Variants in ZDHHC24 observed in about 807,000 individuals in gnomAD.
ZDHHC24 encodes probable palmitoyltransferase ZDHHC24.
Under a neutral mutation model 23.2 loss-of-function variants are expected in ZDHHC24, and 17 were observed. The observed-to-expected ratio is 0.73, with a 90% CI of 0.50 to 1.10. ZDHHC24 has a LOEUF of 1.10. Among genes scored for constraint, ZDHHC24 ranks in the 50% least tolerant of loss-of-function variants. The pLI is 0.00. For missense variants in ZDHHC24, 366 were observed against 393.0 expected (o/e 0.93, Z 0.58); for synonymous variants, 186 against 194.5 (o/e 0.96, Z 0.36).
At chr11:66,542,575 C>T (rs913506499) in intron 2 of ZDHHC24, 1 of 152,860 alleles carries the variant, frequency 6.5e-6, no homozygotes, top group Non-Finnish European at 1.5e-5. Flanking sequence ...GAGGGTGACT[C>T]ATTTTTGGAT....
chr11:66,523,390 G>GT, intron 4 of ZDHHC24: 5 of 1,612,580 alleles, frequency 3.1e-6, no homozygotes, highest in Non-Finnish European at 4.2e-6. Context: ...TTTAGACAGA[G>GT]GAGGGTCAGC....
chr11:66,524,870 C>T (rs955362229), intron 4 of ZDHHC24, among the ~76,000 whole-genome samples: 1 of 151,846 alleles, frequency 6.6e-6, no homozygotes, highest in Non-Finnish European at 1.5e-5. Flanking sequence ...GCCTGGCCAA[C>T]ATGGTGAAAC....
chr11:66,526,808 G>T, intron 4 of ZDHHC24: 1 of 1,614,226 alleles, frequency 6.2e-7, no homozygotes, highest in Non-Finnish European at 8.5e-7. Flanking sequence ...GCTGGCACCG[G>T]TGAGCCTCAG....
At chr11:66,523,233 G>A in intron 4 of ZDHHC24, 1 of 671,526 alleles carries the variant, frequency 1.5e-6, no homozygotes, top group African/African-American at 1.8e-5. Context: ...GTGAAGGTGG[G>A]AGGAAGACAA....
chr11:66,530,598 A>G (rs999925759), intron 2 of ZDHHC24, among the ~76,000 whole-genome samples: 2 of 151,944 alleles, frequency 1.3e-5, no homozygotes, highest in Admixed American at 6.6e-5. Context: ...CTACCCTAGG[A>G]TGAGAGTGGG....
chr11:66,534,820 C>T (rs537135884), downstream of ZDHHC24, among the ~76,000 whole-genome samples: 63 of 152,202 alleles, frequency 4.1e-4, no homozygotes, highest in Middle Eastern at 3.4e-3. Flanking sequence ...CTCAGCCTCC[C>T]GAGTAGCTGG....
In ZDHHC24 at chr11:66,539,546, C is replaced by T. The variant is rs74916110; in HGVS notation, c.838G>A (p.Gly280Arg). Residue 280 changes from glycine (G) to arginine (R), a missense_variant, in exon 3 of 3, where the codon GGA becomes AGA. Gly to Arg is a moderately radical substitution (Grantham distance 125). Transcript: ENST00000310442. Reference protein sequence around the residue: ...GITFQTTADVGHTAS With the variant: ...GITFQTTADVRHTAS ...TCCTGGAGTCAGGAGGCTGTGTGTC[C>T]CACATCTGCTGTGGTCTGGAAGGTG... 3 of 1,580,784 alleles carry T rather than the reference C, an allele frequency of 1.9e-6. No homozygotes were observed. Among genetic ancestry groups the T allele is most frequent in the Non-Finnish European group, 2.6e-6 (3 of 1,162,582 alleles).
rs1392483267 is a variant in ZDHHC24 at position 66,545,641 on chromosome 11, G to A, written c.281+82C>T. 1 of 1,373,872 alleles carries A rather than the reference G, an allele frequency of 7.3e-7. No individual in the cohort carries two copies. Among genetic ancestry groups the A allele is most frequent in the Non-Finnish European group, 9.5e-7 (1 of 1,056,064 alleles). The allele number at this position is 1,373,872 out of a possible 1,614,324, so 85.1% of individuals were successfully genotyped here. On this transcript the variant is annotated intron_variant, in intron 1 of 2. Coordinates refer to ENST00000310442, the MANE Select transcript of ZDHHC24 (RefSeq NM_207340.3). The surrounding 1 kb of genome is among the most constrained non-coding windows in gnomAD (Gnocchi z 4.5). ...ACAACCTGGATCCTAATGTAACCCG[G>A]TTCTAACATCTCAGGTCTTGGGGCC...
chr11:66,530,984 C>T, downstream of ZDHHC24: 1 of 1,614,222 alleles, frequency 6.2e-7, no homozygotes. Flanking sequence ...GGTCTGCTTC[C>T]TGTACAACGA....
chr11:66,539,604 G>A lies in ZDHHC24; in HGVS notation c.780C>T (p.Pro260=). 6.2e-7 allele frequency: 1 copy of A among 1,612,818 alleles called. No individual in the cohort carries two copies. Among genetic ancestry groups the A allele is most frequent in the Non-Finnish European group, 8.5e-7 (1 of 1,179,462 alleles). The change falls in exon 3 of 3, where the codon CCC becomes CCT. Residue 260 remains proline (P), a synonymous_variant. Transcript: ENST00000310442. ...GPRWALVWLW[P]FLASPLPGDG... is the part of the protein sequence containing the mutation. ...CCCCAGGCAATGGGGAGGCCAGGAA[G>A]GGCCAGAGCCAGACGAGGGCCCAGC...
rs3737525 is a variant in ZDHHC24, at chr11:66,538,884, A to G, written c.*645T>C. 0.18 allele frequency: 28,038 copies of G among 152,110 alleles called. 3,430 individuals carry two copies. Among genetic ancestry groups the G allele is most frequent in the Non-Finnish European group, 0.25 (16,796 of 68,000 alleles). 9.4% of individuals were successfully genotyped at this position (152,110 alleles called of 1,614,324 possible). On this transcript the variant is annotated 3_prime_UTR_variant, in exon 3 of 3. Coordinates refer to ENST00000310442, the MANE Select transcript of ZDHHC24 (RefSeq NM_207340.3). ...CCAGCTGTGCAAGGGTAAAGGCAAAAGCACAAAGACCTGGGTTGGACCCTG... is the reference window on the plus strand; with the variant it reads ...CCAGCTGTGCAAGGGTAAAGGCAAAGGCACAAAGACCTGGGTTGGACCCTG...
chr11:66,544,116 G>T, intron 1 of ZDHHC24, 135 bp from the exon 2 acceptor site: 1 of 1,170,338 alleles, frequency 8.5e-7, no homozygotes, highest in Non-Finnish European at 1.2e-6. Context: ...TTCTTTACAA[G>T]TAAATGCAGG....
At position 66,523,454 on chromosome 11, in the gene ZDHHC24, A is replaced by G. The variant is rs1057517332; in HGVS notation, c.*22-1988T>C. On this transcript the variant is annotated intron_variant, in intron 4 of 4. Transcript: ENST00000526986. Reference sequence around the variant, plus strand: ...CCAGACAGTGTGTTGTTTATTCCACAGAGACTCCAAGCACCCCAAGTACTG... The same window carrying G: ...CCAGACAGTGTGTTGTTTATTCCACGGAGACTCCAAGCACCCCAAGTACTG... 4 of 1,614,162 alleles carry G rather than the reference A, an allele frequency of 2.5e-6. No individual in the cohort carries two copies. Among genetic ancestry groups the G allele is most frequent in the Non-Finnish European group, 3.4e-6 (4 of 1,180,012 alleles).
chr11:66,523,632 G>A, intron 4 of ZDHHC24: 3 of 1,612,750 alleles, frequency 1.9e-6, no homozygotes, highest in Non-Finnish European at 2.5e-6. Flanking sequence ...GCCCCCACTT[G>A]GCAAGAGAGT....
chr11:66,524,176 A>C (rs1856381562), intron 4 of ZDHHC24: 1 of 407,220 alleles, frequency 2.5e-6, no homozygotes, highest in Non-Finnish European at 4.7e-6. Flanking sequence ...GCTACTCAGG[A>C]GGTTGAGGTA....
rs527643574 is a variant in ZDHHC24, at chr11:66,545,620, C to T, written c.281+103G>A. 869 of 1,303,318 alleles carry T rather than the reference C, an allele frequency of 6.7e-4. 4 individuals carry two copies. Among genetic ancestry groups the T allele is most frequent in the Middle Eastern group, 6.5e-3 (29 of 4,492 alleles). 80.7% of individuals were successfully genotyped at this position (1,303,318 alleles called of 1,614,324 possible). A position where few individuals can be genotyped will look rare whatever the true frequency, so the allele number is the denominator to read the frequency against. Reference sequence around the variant, plus strand: ...CTAAAAAAATGTCTGATTCTAACAACCTGGATCCTAATGTAACCCGGTTCT... The same window carrying T: ...CTAAAAAAATGTCTGATTCTAACAATCTGGATCCTAATGTAACCCGGTTCT... On this transcript the variant is annotated intron_variant, in intron 1 of 2. Transcript: ENST00000310442. This position sits in a 1 kb window ranked among gnomAD's most constrained non-coding sequence, Gnocchi z 4.5.
chr11:66,531,124 G>A (rs540746418), downstream of ZDHHC24: 37 of 1,527,170 alleles, frequency 2.4e-5, 1 homozygote, highest in African/African-American at 1.9e-4. Context: ...GGGTCAGAGC[G>A]TGCGGGTGGC....
rs1231942637 is a variant in ZDHHC24 at position 66,529,328 on chromosome 11, G to T, written c.720C>A (p.Cys240Ter). The T allele has an allele frequency of 6.5e-7, 1 of 1,535,694 alleles. No homozygotes were observed. Reference sequence around the variant, plus strand: ...AGGCAGGACCATGAGGCTGGTTTCCGCAGCATTGAGCCTGAGGTGTTGATG... The same window carrying T: ...AGGCAGGACCATGAGGCTGGTTTCCTCAGCATTGAGCCTGAGGTGTTGATG... Residue 240 changes from cysteine to a stop codon, truncating the protein, a stop_gained, in exon 3 of 5, where the codon TGC becomes TGA. Coordinates refer to the ZDHHC24 transcript ENST00000526986. LOFTEE classifies it high-confidence loss of function.
At chr11:66,544,038 G>C (rs1857238214) in intron 1 of ZDHHC24, 57 bp from the exon 2 acceptor site, 1 of 1,586,248 alleles carries the variant, frequency 6.3e-7, no homozygotes, top group Middle Eastern at 1.7e-4. Context: ...CCCATATTGT[G>C]CACAGGGCTG....
Sources: gnomAD v4.1 joint callset for allele counts (sites outside exome capture counted in the v4.1 genomes callset) on GRCh38, gnomAD v4.1.1 for gene constraint, Gnocchi (gnomAD v3.1) non-coding constraint, MANE v1.5 for transcripts, NCBI Gene and HGNC (gene_info 2026-07-23, HGNC 2026-07-21) for gene names.